GLIS3: variants seen among roughly 807,000 people sequenced by gnomAD.
GLIS3 encodes zinc finger protein GLIS3.
GLIS3 carries 53 observed loss-of-function variants against 78.6 expected under a neutral mutation model. The ratio of observed to expected loss-of-function variants is 0.67; its 90% CI spans 0.54 to 0.85. The LOEUF (loss-of-function observed/expected upper bound fraction) is 0.85, where lower values mean the gene tolerates loss of function less well. Ranked by LOEUF, GLIS3 falls within the 40% of genes least tolerant of loss-of-function variation. GLIS3 has a pLI of 0.00. For synonymous variants in GLIS3, 684 were observed against 509.9 expected (o/e 1.34, Z -4.60); for missense variants, 1,703 against 1,231.1 (o/e 1.38, Z -5.74).
intron 2 of GLIS3, among the ~76,000 whole-genome samples, chr9:4,202,740 T>C (rs1391811641): frequency 6.6e-6 from 1 of 152,180 alleles, no homozygotes; most frequent in African/African-American, 2.4e-5. Flanking sequence ...ATTAAATAAA[T>C]GATACTGAGA....
At chr9:4,243,526 T>C (rs889967009) in intron 2 of GLIS3, among the ~76,000 whole-genome samples, 1 of 152,204 alleles carries the variant, frequency 6.6e-6, no homozygotes, top group Non-Finnish European at 1.5e-5. Flanking sequence ...TTCTCTCTAC[T>C]TAGTAGATTT....
intron 4 of GLIS3, among the ~76,000 whole-genome samples, chr9:4,008,818 C>T (rs1031395515): frequency 6.6e-6 from 1 of 152,146 alleles, no homozygotes; most frequent in Non-Finnish European, 1.5e-5. Flanking sequence ...TGACTCTGTT[C>T]CAACATCCAC....
intron 4 of GLIS3, among the ~76,000 whole-genome samples, chr9:4,022,710 C>T (rs1019053581): frequency 1.3e-5 from 2 of 152,136 alleles, no homozygotes; most frequent in Non-Finnish European, 2.9e-5. Context: ...CAGTATGCAT[C>T]CACCCAGTGA....
the GLIS3 span, among the ~76,000 whole-genome samples, chr9:4,402,640 G>T: frequency 6.6e-6 from 1 of 152,112 alleles, no homozygotes; most frequent in African/African-American, 2.4e-5. Flanking sequence ...CAATTAAAAA[G>T]AAGCAAGCAG....
chr9:4,199,671 A>G (rs1269969711), intron 2 of GLIS3, among the ~76,000 whole-genome samples: 1 of 152,078 alleles, frequency 6.6e-6, no homozygotes, highest in Non-Finnish European at 1.5e-5. Context: ...GTACTTCTAG[A>G]CCTACAAAAA....
chr9:4,058,825 C>CA (rs538899721), intron 4 of GLIS3, among the ~76,000 whole-genome samples: 1 of 151,708 alleles, frequency 6.6e-6, no homozygotes, highest in Non-Finnish European at 1.5e-5. Context: ...CTAAAAAATA[C>CA]AAAAAAATTA....
At chr9:3,967,010 GC>G (rs1296097158) in intron 4 of GLIS3, among the ~76,000 whole-genome samples, 2,284 of 27,766 alleles carry the variant, frequency 0.082, 97 homozygotes, top group African/African-American at 0.22. Context: ...ATTTCTTTCT[GC>G]AAAAAAAAAA....
At chr9:4,240,749 T>A (rs1030370260) in intron 2 of GLIS3, among the ~76,000 whole-genome samples, 4 of 152,114 alleles carry the variant, frequency 2.6e-5, no homozygotes, top group African/African-American at 9.7e-5. Context: ...CAAACAAAAA[T>A]GGATACTAGG....
intron 2 of GLIS3, among the ~76,000 whole-genome samples, chr9:4,126,841 C>G (rs1832617643): frequency 6.6e-6 from 1 of 152,166 alleles, no homozygotes; most frequent in Non-Finnish European, 1.5e-5. Flanking sequence ...CCATTTCTAG[C>G]AAACAAAAAT....
the GLIS3 span, among the ~76,000 whole-genome samples, chr9:4,419,504 C>T: frequency 6.6e-6 from 1 of 152,124 alleles, no homozygotes; most frequent in African/African-American, 2.4e-5. Flanking sequence ...AAACAACCAG[C>T]TCTGGCCAGG....
chr9:4,310,863 T>TC (rs1343579869), intron 2 of GLIS3, among the ~76,000 whole-genome samples: 1 of 152,216 alleles, frequency 6.6e-6, no homozygotes, highest in Non-Finnish European at 1.5e-5. Context: ...GTTGATGTTT[T>TC]ACACTTCTCT....
At chr9:4,419,736 C>T in the GLIS3 span, among the ~76,000 whole-genome samples, 36 of 152,142 alleles carry the variant, frequency 2.4e-4, 1 homozygote, top group South Asian at 7.3e-3. Flanking sequence ...GCCGAGATCA[C>T]GCCACTGCAC....
the GLIS3 span, among the ~76,000 whole-genome samples, chr9:4,364,670 G>C: frequency 1.4e-5 from 2 of 138,974 alleles, no homozygotes; most frequent in African/African-American, 5.3e-5. Context: ...ATGAGATAAT[G>C]CTTATCTTTT....
intron 2 of GLIS3, among the ~76,000 whole-genome samples, chr9:4,200,136 C>A (rs114998148): frequency 0.013 from 2,001 of 152,164 alleles, 33 homozygotes; most frequent in African/African-American, 0.046. Context: ...ATACCAAAAT[C>A]TCTGGGATGC....
At chr9:3,913,946 C>T in intron 6 of GLIS3, among the ~76,000 whole-genome samples, 1 of 152,122 alleles carries the variant, frequency 6.6e-6, no homozygotes, top group East Asian at 1.9e-4. Context: ...CCAATGGCTG[C>T]TGAGTATTTA....
chr9:4,084,366 A>C (rs1828833717), intron 4 of GLIS3, among the ~76,000 whole-genome samples: 1 of 151,912 alleles, frequency 6.6e-6, no homozygotes, highest in Non-Finnish European at 1.5e-5. Flanking sequence ...TCTACATTTG[A>C]AGAACCTTTG....
At chr9:3,996,450 G>C (rs1034537252) in intron 4 of GLIS3, among the ~76,000 whole-genome samples, 2 of 152,160 alleles carry the variant, frequency 1.3e-5, no homozygotes, top group African/African-American at 4.8e-5. Context: ...TGTGAATTGA[G>C]TTAAAGTGTT....
intron 2 of GLIS3, among the ~76,000 whole-genome samples, chr9:4,341,043 G>A (rs1243106172): frequency 6.6e-6 from 1 of 152,110 alleles, no homozygotes; most frequent in African/African-American, 2.4e-5. Flanking sequence ...AATAGCCTCT[G>A]GACTGCAAGT....
At chr9:4,235,337 G>C (rs1289605545) in intron 2 of GLIS3, among the ~76,000 whole-genome samples, 1 of 147,882 alleles carries the variant, frequency 6.8e-6, no homozygotes, top group African/African-American at 2.5e-5. Flanking sequence ...GAGTCATTGA[G>C]TGGGTAAAGT....
Sources: gnomAD v4.1 joint callset for allele counts (sites outside exome capture counted in the v4.1 genomes callset) on GRCh38, gnomAD v4.1.1 for gene constraint, MANE v1.5 for transcripts, NCBI Gene and HGNC (gene_info 2026-07-23, HGNC 2026-07-21) for gene names.